The following DLG2 variants were observed in gnomAD, a reference collection of about 807,000 sequenced individuals.
DLG2 encodes disks large homolog 2.
DLG2 carries 45 observed loss-of-function variants against 132.5 expected under a neutral mutation model. The observed-to-expected ratio is 0.34, with a 90% CI of 0.27 to 0.44. The LOEUF (loss-of-function observed/expected upper bound fraction) is 0.44, where lower values mean the gene tolerates loss of function less well. DLG2 is among the 20% of genes least tolerant of loss of function. DLG2 has a pLI of 1.00. For missense variants in DLG2, 1,045 were observed against 1,196.9 expected, an observed-to-expected ratio of 0.87 and a Z score of 1.87; for synonymous variants, 424 against 419.6, an observed-to-expected ratio of 1.01 and a Z score of -0.13.
chr11:84,192,660 G>T (rs2096435032), intron 8 of DLG2, among the ~76,000 whole-genome samples: 1 of 152,282 alleles, frequency 6.6e-6, no homozygotes, highest in Non-Finnish European at 1.5e-5. Context: ...AACCCAGGAG[G>T]TGGAGGTTGC....
At chr11:85,062,217 T>C (rs1042793669) in intron 6 of DLG2, among the ~76,000 whole-genome samples, 21 of 151,824 alleles carry the variant, frequency 1.4e-4, no homozygotes, top group Non-Finnish European at 7.4e-5. Flanking sequence ...TCTTTTATGC[T>C]ATGAAGAAAA....
At chr11:85,582,260 A>G (rs2078573667) in intron 3 of DLG2, among the ~76,000 whole-genome samples, 1 of 152,190 alleles carries the variant, frequency 6.6e-6, no homozygotes, top group Non-Finnish European at 1.5e-5. Context: ...TGTGGGATCA[A>G]TGATTGATAT....
intron 3 of DLG2, among the ~76,000 whole-genome samples, chr11:85,335,373 T>G (rs991580992): frequency 6.6e-6 from 1 of 152,204 alleles, no homozygotes; most frequent in Non-Finnish European, 1.5e-5. Context: ...TTATCCAATT[T>G]GCCACTCTTT....
At position 84,702,899 on chromosome 11, in the gene DLG2, C is replaced by T. The variant is rs181037308; in HGVS notation, c.358-168168G>A. On this transcript the variant is annotated intron_variant, in intron 6 of 27. Coordinates refer to ENST00000376104, the MANE Select transcript of DLG2 (RefSeq NM_001142699.3). ...TGGCATATGAAAAGATCTATAAATA[C>T]TTGTTAAAAAGCTAATGAATTAATA... 3.8e-4 allele frequency among the ~76,000 whole-genome samples: 57 copies of T among 151,696 alleles called. 1 individual carries two copies. In the East Asian group the frequency reaches 0.01, roughly 27 times the overall value.
At chr11:84,554,208 G>A (rs947742735) in intron 6 of DLG2, among the ~76,000 whole-genome samples, 13 of 152,082 alleles carry the variant, frequency 8.5e-5, no homozygotes, top group Admixed American at 1.3e-4. Flanking sequence ...AAACTATTAA[G>A]TTTTACCTGG....
intron 14 of DLG2, among the ~76,000 whole-genome samples, chr11:83,939,127 A>T (rs904575753): frequency 7.9e-5 from 12 of 152,310 alleles, no homozygotes; most frequent in Admixed American, 3.3e-4. Context: ...TCAATTAAAC[A>T]TTCCTAACTG....
chr11:85,478,657 T>C (rs753747954), intron 3 of DLG2, among the ~76,000 whole-genome samples: 8 of 152,184 alleles, frequency 5.3e-5, no homozygotes, highest in Non-Finnish European at 8.8e-5. Context: ...AATTAACAAC[T>C]GCCTCCCATT....
intron 6 of DLG2, among the ~76,000 whole-genome samples, chr11:84,782,981 C>G (rs755492304): frequency 1.4e-4 from 21 of 152,114 alleles, no homozygotes; most frequent in Non-Finnish European, 2.8e-4. Flanking sequence ...TTTAGTCCTT[C>G]CTATGTATGA....
chr11:84,079,274 G>GTTTT (rs1457765323), intron 10 of DLG2, among the ~76,000 whole-genome samples: 1 of 61,622 alleles, frequency 1.6e-5, no homozygotes, highest in Non-Finnish European at 6.1e-5. Flanking sequence ...TCTATTTTTG[G>GTTTT]TTTGTTTTTT....
chr11:83,740,904 C>A (rs745928155), intron 18 of DLG2, among the ~76,000 whole-genome samples: 10 of 152,054 alleles, frequency 6.6e-5, no homozygotes, highest in Non-Finnish European at 1.2e-4. Context: ...CAAAAATCCT[C>A]AACAAAATAC....
At chr11:84,717,564 T>G (rs1596412454) in intron 6 of DLG2, among the ~76,000 whole-genome samples, 1 of 152,082 alleles carries the variant, frequency 6.6e-6, no homozygotes, top group Non-Finnish European at 1.5e-5. Flanking sequence ...TTTTCATAAA[T>G]GTACTTCATT....
intron 7 of DLG2, among the ~76,000 whole-genome samples, chr11:84,304,345 T>C (rs2098191152): frequency 6.6e-6 from 1 of 152,206 alleles, no homozygotes; most frequent in Non-Finnish European, 1.5e-5. Context: ...GGCAATACTC[T>C]AATTTTGCAG....
At chr11:84,666,670 A>G (rs1052735365) in intron 6 of DLG2, among the ~76,000 whole-genome samples, 1 of 152,102 alleles carries the variant, frequency 6.6e-6, no homozygotes, top group Admixed American at 6.6e-5. Flanking sequence ...ATATTTGTAC[A>G]TATAAGTATA....
intron 15 of DLG2, among the ~76,000 whole-genome samples, chr11:83,889,687 T>C (rs973264660): frequency 3.9e-5 from 6 of 152,070 alleles, no homozygotes; most frequent in African/African-American, 9.6e-5. Flanking sequence ...CTATTCACAA[T>C]AGCAAAGACT....
At chr11:84,132,797 G>T (rs1436825439) in intron 9 of DLG2, among the ~76,000 whole-genome samples, 1 of 151,936 alleles carries the variant, frequency 6.6e-6, no homozygotes, top group Non-Finnish European at 1.5e-5. Flanking sequence ...TTTCTTTGAG[G>T]GAGTAATGGT....
intron 19 of DLG2, among the ~76,000 whole-genome samples, chr11:83,622,419 T>C (rs2061781830): frequency 6.6e-6 from 1 of 152,164 alleles, no homozygotes; most frequent in Non-Finnish European, 1.5e-5. Context: ...GGGACCTGGC[T>C]CATACAACTG....
intron 6 of DLG2, among the ~76,000 whole-genome samples, chr11:84,831,227 T>C (rs1004701721): frequency 5.3e-5 from 8 of 151,430 alleles, no homozygotes; most frequent in African/African-American, 1.7e-4. Context: ...GTTTAGGTCA[T>C]TTAAAAAGGG....
At chr11:84,191,932 A>T (rs1178833100) in intron 8 of DLG2, among the ~76,000 whole-genome samples, 1 of 150,566 alleles carries the variant, frequency 6.6e-6, no homozygotes, top group Admixed American at 6.6e-5. Flanking sequence ...AATGCTGAGC[A>T]CGGAGTAACA....
intron 6 of DLG2, among the ~76,000 whole-genome samples, chr11:85,031,084 T>A (rs564525101): frequency 4.1e-4 from 63 of 152,122 alleles, no homozygotes; most frequent in Non-Finnish European, 6.9e-4. Flanking sequence ...CAGCTTTTTT[T>A]TATATATAGG....
Sources: gnomAD v4.1 joint callset for allele counts (sites outside exome capture counted in the v4.1 genomes callset) on GRCh38, gnomAD v4.1.1 for gene constraint, MANE v1.5 for transcripts, NCBI Gene and HGNC (gene_info 2026-07-23, HGNC 2026-07-21) for gene names.